The following CCDC88C variants were observed in gnomAD, a reference collection of about 807,000 sequenced individuals.
CCDC88C encodes protein Daple.
A neutral mutation model predicts 198.8 loss-of-function variants in CCDC88C; 131 were observed. That is an observed-to-expected ratio of 0.66 (90% CI 0.57 to 0.76). The LOEUF is 0.76. Ranked by LOEUF, CCDC88C falls within the 30% of genes least tolerant of loss-of-function variation. The pLI is 0.00. For synonymous variants in CCDC88C, 1,166 were observed against 1,114.7 expected, an observed-to-expected ratio of 1.05 and a Z score of -0.92; for missense variants, 2,553 against 2,631.6, an observed-to-expected ratio of 0.97 and a Z score of 0.65.
chr14:91,306,905 A>T (rs1891577401), intron 18 of CCDC88C, 133 bp downstream of exon 18: 7 of 978,366 alleles, frequency 7.2e-6, no homozygotes, highest in Non-Finnish European at 8.8e-6. Flanking sequence ...CCTGCAACTC[A>T]AGACGTGTCC....
At chr14:91,335,907 G>T (rs1217083878) in intron 10 of CCDC88C, among the ~76,000 whole-genome samples, 1 of 152,188 alleles carries the variant, frequency 6.6e-6, no homozygotes, top group African/African-American at 2.4e-5. Context: ...AGGGAGTACA[G>T]CTCACTCCTC....
At chr14:91,337,911 G>A (rs1893119351) in intron 10 of CCDC88C, 94 bp downstream of exon 10, 7 of 1,479,920 alleles carry the variant, frequency 4.7e-6, no homozygotes, top group South Asian at 4.6e-5. Context: ...CTGTGGCTCC[G>A]CTCCTCCAAG....
At position 91,291,061 on chromosome 14, in the gene CCDC88C, C is replaced by T. The variant is rs754234051; in HGVS notation, c.4136G>A (p.Arg1379Lys). ...QYIDKLNALR[R>K]HKEKLEEKIM... Reference sequence around the variant, plus strand: ...TTTTTCTTCCAGCTTTTCCTTATGTCTTCGTAAGGCATTTAATTTGTCTCT... The same window carrying T: ...TTTTTCTTCCAGCTTTTCCTTATGTTTTCGTAAGGCATTTAATTTGTCTCT... The change falls in exon 24 of 30, where the codon AGA becomes AAA. Residue 1379 changes from arginine (R) to lysine (K), a missense_variant. Physicochemically the swap from Arg to Lys is conservative, Grantham distance 26. Coordinates refer to ENST00000389857, the MANE Select transcript of CCDC88C (RefSeq NM_001080414.4). 6.4e-7 allele frequency: 1 copy of T among 1,570,566 alleles called. No individual in the cohort carries two copies. Among genetic ancestry groups the T allele is most frequent in the South Asian group, 1.1e-5 (1 of 87,002 alleles).
At chr14:91,369,041 C>T (rs137982822) in intron 3 of CCDC88C, among the ~76,000 whole-genome samples, 279 of 152,344 alleles carry the variant, frequency 1.8e-3, no homozygotes, top group African/African-American at 6.5e-3. Context: ...AGGGAACAGC[C>T]GCAGCACAAT....
At position 91,297,470 on chromosome 14, in the gene CCDC88C, C is replaced by G; in HGVS notation, c.3801G>C (p.Gln1267His). 6.4e-7 allele frequency: 1 copy of G among 1,562,130 alleles called. No homozygotes were observed. Among genetic ancestry groups the G allele is most frequent in the Non-Finnish European group, 8.7e-7 (1 of 1,152,854 alleles). ...GCAGCTCCTCGTACTCCCCCTTCAG[C>G]TGGTGGTGCAGGAAATTGACCCTGG... ...ELDRVNFLHHQLKGEYEELHA... is the reference protein window; with the variant it reads ...ELDRVNFLHHHLKGEYEELHA... Residue 1267 changes from glutamine to histidine, a missense_variant, in exon 22 of 30, where the codon CAG becomes CAC. This residue lies in a region of CCDC88C where 1,293 missense variants were observed against 1,219.6 expected (regional missense o/e 1.06). Coordinates refer to ENST00000389857, the MANE Select transcript of CCDC88C (RefSeq NM_001080414.4).
chr14:91,303,621 G>C, intron 20 of CCDC88C, 80 bp downstream of exon 20: 1 of 1,262,198 alleles, frequency 7.9e-7, no homozygotes. Context: ...ATCTACCCCA[G>C]GCCCCACCTT....
intron 4 of CCDC88C, among the ~76,000 whole-genome samples, chr14:91,354,767 G>T (rs909930017): frequency 6.6e-6 from 1 of 152,134 alleles, no homozygotes. Flanking sequence ...GCATTCGAAC[G>T]CACTGACAAC....
intron 3 of CCDC88C, among the ~76,000 whole-genome samples, chr14:91,370,826 A>T (rs1186015665): frequency 1.3e-5 from 2 of 152,208 alleles, no homozygotes; most frequent in African/African-American, 2.4e-5. Flanking sequence ...AAGAGCCATC[A>T]AGATTATCCA....
intron 4 of CCDC88C, among the ~76,000 whole-genome samples, chr14:91,345,355 G>A (rs1236998544): frequency 6.6e-6 from 1 of 151,562 alleles, no homozygotes; most frequent in Non-Finnish European, 1.5e-5. Flanking sequence ...ACCACGCTCT[G>A]CTATTTTTGA....
chr14:91,280,368 C>G (rs754530793), intron 27 of CCDC88C, among the ~76,000 whole-genome samples: 1 of 152,226 alleles, frequency 6.6e-6, no homozygotes, highest in Admixed American at 6.5e-5. Flanking sequence ...CAGAAAACAC[C>G]TGCTAGCAAA....
chr14:91,315,626 G>C (rs762947800), intron 14 of CCDC88C, 24 bp downstream of exon 14: 1 of 1,613,432 alleles, frequency 6.2e-7, no homozygotes, highest in South Asian at 1.1e-5. Context: ...TTCTAGGAGA[G>C]GCGTTAGTGG....
chr14:91,283,561 G>C (rs1021930244), intron 25 of CCDC88C, 44 bp from the exon 26 acceptor site: 7 of 1,555,546 alleles, frequency 4.5e-6, no homozygotes, highest in South Asian at 1.2e-5. Flanking sequence ...GCCAAGTCCT[G>C]TACCCAGGCT....
intron 27 of CCDC88C, among the ~76,000 whole-genome samples, chr14:91,280,165 G>C (rs1449688426): frequency 3.3e-5 from 5 of 152,192 alleles, no homozygotes; most frequent in Admixed American, 6.5e-5. Flanking sequence ...CCCCGTGGCA[G>C]GGATGGCATT....
chr14:91,278,011 C>T lies in CCDC88C; in HGVS notation c.4969G>A (p.Gly1657Arg), dbSNP rs769028445. The change falls in exon 29 of 30, where the codon GGA becomes AGA. Residue 1657 changes from glycine (G) to arginine (R), a missense_variant. Around this residue, in one of 2 missense-constraint regions of CCDC88C, gnomAD observed 1,293 missense variants for 1,219.6 expected, o/e 1.06. Transcript: ENST00000389857. ...GGGGAGGCCGAGCAGGGCCGCACTC[C>T]GACGTAGGGAGGGGCTGTGCCCCTC... is the stretch of plus-strand genomic sequence containing the variant. Reference protein sequence around the residue: ...QKRGTAPPYVGVRPCSASPSS... With the variant: ...QKRGTAPPYVRVRPCSASPSS... The T allele has an allele frequency of 2.5e-5, 40 of 1,589,602 alleles. No individual in the cohort carries two copies. Among genetic ancestry groups the T allele is most frequent in the Admixed American group, 3.5e-5 (2 of 56,478 alleles).
chr14:91,309,707 C>T (rs1202844082), intron 16 of CCDC88C, among the ~76,000 whole-genome samples, 152 bp downstream of exon 16: 1 of 151,964 alleles, frequency 6.6e-6, no homozygotes, highest in Non-Finnish European at 1.5e-5. Flanking sequence ...GGAACAGAAA[C>T]GACCAAGGAA....
Position 91,278,169 on chromosome 14 carries a change from C to A in CCDC88C, c.4811G>T (p.Ser1604Ile), listed in dbSNP as rs759699496. The change falls in exon 29 of 30, where the codon AGC (serine) becomes ATC (isoleucine). Residue 1604 changes from serine (S) to isoleucine (I), a missense_variant. Ser to Ile is a moderately radical substitution (Grantham distance 142, BLOSUM62 -2). Transcript: ENST00000389857. ...GTCCCTGCTGGGGATCAGGTCTTCG[C>A]TGCTGAAGCTCTCAGACCGGCCATG... ...QLHGRSESFS[S>I]EDLIPSRDLA... The A allele has an allele frequency of 5.0e-6, 8 of 1,611,400 alleles. No homozygotes were observed. Among genetic ancestry groups the A allele is most frequent in the Non-Finnish European group, 2.5e-6 (3 of 1,178,638 alleles).
intron 23 of CCDC88C, among the ~76,000 whole-genome samples, chr14:91,293,595 ATG>A (rs1890862378): frequency 2.2e-5 from 3 of 135,018 alleles, no homozygotes; most frequent in Non-Finnish European, 4.8e-5. Flanking sequence ...CTCGCCTGCC[ATG>A]GCCCACCTCC....
rs775503338 is a variant in CCDC88C at position 91,303,864 on chromosome 14, C to T, written c.3472G>A (p.Glu1158Lys). The T allele has an allele frequency of 1.9e-6, 3 of 1,613,250 alleles. No individual in the cohort carries two copies. The highest frequency in any genetic ancestry group is 2.5e-6 in the Non-Finnish European group (3 of 1,179,890). Residue 1158 changes from glutamate (E) to lysine (K), a missense_variant, in exon 20 of 30, where the codon GAG becomes AAG. Transcript: ENST00000389857. ...TENESLQRQQ[E>K]QLTAAYEALL... The stretch of plus-strand genomic sequence containing the variant: ...GCCTCGTAGGCCGCTGTAAGTTGCT[C>T]CTGCTGCCTCTGCAGGCTTTCGTTC...
Position 91,352,978 on chromosome 14 carries a change from G to A in CCDC88C, c.340+6664C>T, listed in dbSNP as rs1305223629. 6.6e-6 allele frequency among the ~76,000 whole-genome samples: 1 copy of A among 152,192 alleles called. No homozygotes were observed. Among genetic ancestry groups the A allele is most frequent in the African/African-American group, 2.4e-5 (1 of 41,466 alleles). On this transcript the variant is annotated intron_variant, in intron 4 of 29. Transcript: ENST00000389857. This position sits in a 1 kb window ranked among gnomAD's most constrained non-coding sequence, Gnocchi z 4.2. ...CACACCCAGCCCTCACAAGTTCCCC[G>A]GGGCCCCCGAAGGAAGGCAGGGCTG...
Sources: gnomAD v4.1 joint callset for allele counts (sites outside exome capture counted in the v4.1 genomes callset) on GRCh38, gnomAD v4.1.1 for gene constraint, gnomAD v4.1.1 regional missense constraint, Gnocchi (gnomAD v3.1) non-coding constraint, MANE v1.5 for transcripts, NCBI Gene and HGNC (gene_info 2026-07-23, HGNC 2026-07-21) for gene names.